Variants in CIMAP1D observed in about 807,000 individuals in gnomAD.
CIMAP1D encodes protein CIMAP1D.
the CIMAP1D span, among the ~76,000 whole-genome samples, chr19:468,899 A>G: frequency 1.5e-5 from 2 of 130,324 alleles, no homozygotes; most frequent in Middle Eastern, 7.8e-3. Context: ...TCCCCTGAGG[A>G]GTCCGTGGCA....
the CIMAP1D span, among the ~76,000 whole-genome samples, chr19:479,423 G>GGGGGGGGT: frequency 7.8e-6 from 1 of 127,624 alleles, no homozygotes; most frequent in Non-Finnish European, 1.7e-5. Context: ...GGGGGGGGGG[G>GGGGGGGGT]GATGGAGTTT....
At chr19:478,830 T>C in the CIMAP1D span, among the ~76,000 whole-genome samples, 1 of 152,342 alleles carries the variant, frequency 6.6e-6, no homozygotes, top group South Asian at 2.1e-4. Context: ...GGTGACTCCG[T>C]TGGTGCTCCC....
At chr19:465,081 GGATGGATA>G in the CIMAP1D span, among the ~76,000 whole-genome samples, 1 of 145,534 alleles carries the variant, frequency 6.9e-6, no homozygotes, top group African/African-American at 2.5e-5. Flanking sequence ...GTGGGTGGAA[GGATGGATA>G]GGTGGATGGG....
chr19:483,802 G>A, the CIMAP1D span, among the ~76,000 whole-genome samples: 3 of 152,196 alleles, frequency 2.0e-5, no homozygotes, highest in African/African-American at 7.2e-5. Flanking sequence ...TCAACACTGT[G>A]TCCCCAGCTC....
chr19:477,026 G>A, the CIMAP1D span, among the ~76,000 whole-genome samples: 8 of 152,270 alleles, frequency 5.3e-5, no homozygotes, highest in African/African-American at 1.7e-4. Context: ...AGGCAACATG[G>A]TGAAACCCCA....
At chr19:472,256 G>A in the CIMAP1D span, 2 of 443,678 alleles carry the variant, frequency 4.5e-6, no homozygotes, top group Non-Finnish European at 4.0e-6. Context: ...GGTGGAGCAG[G>A]TTGTACAGCC....
the CIMAP1D span, chr19:489,729 T>C: frequency 2.6e-5 from 8 of 303,734 alleles, no homozygotes; most frequent in African/African-American, 1.5e-4. Context: ...GGGGGCGGGA[T>C]TGCGGCCGGG....
chr19:490,031 T>C, the CIMAP1D span: 1 of 398,318 alleles, frequency 2.5e-6, no homozygotes, highest in East Asian at 3.6e-5. Context: ...AGAAAAGAAA[T>C]GGGTGGTAGT....
the CIMAP1D span, among the ~76,000 whole-genome samples, chr19:468,758 T>C: frequency 0.71 from 104,542 of 146,784 alleles, 38,225 homozygotes; most frequent in East Asian, 0.86. Context: ...ATGCTGTACA[T>C]GTGGCAGTGA....
At chr19:479,509 ATCCTCCT>A in the CIMAP1D span, among the ~76,000 whole-genome samples, 2 of 148,302 alleles carry the variant, frequency 1.3e-5, no homozygotes, top group East Asian at 4.0e-4. Context: ...GGTTCAAGTG[ATCCTCCT>A]GCCTCAGCCT....
At chr19:472,806 C>T in the CIMAP1D span, among the ~76,000 whole-genome samples, 1 of 150,792 alleles carries the variant, frequency 6.6e-6, no homozygotes, top group Admixed American at 6.6e-5. Context: ...GAGGCCTGAG[C>T]CTCCCAGAGA....
At chr19:467,706 G>T in the CIMAP1D span, 15 of 1,611,934 alleles carry the variant, frequency 9.3e-6, no homozygotes, top group African/African-American at 2.7e-5. Context: ...CGGCCAAAGC[G>T]TGTGACTTTG....
the CIMAP1D span, among the ~76,000 whole-genome samples, chr19:474,252 C>T: frequency 1.3e-5 from 2 of 152,204 alleles, no homozygotes; most frequent in African/African-American, 2.4e-5. Context: ...CGCCTCCGCA[C>T]ACGCGCCCCT....
the CIMAP1D span, among the ~76,000 whole-genome samples, chr19:476,543 T>C: frequency 3.3e-5 from 5 of 152,196 alleles, no homozygotes; most frequent in African/African-American, 1.2e-4. Flanking sequence ...CATACAATTA[T>C]ACATTTCACC....
At chr19:470,703 C>T in the CIMAP1D span, among the ~76,000 whole-genome samples, 9 of 152,208 alleles carry the variant, frequency 5.9e-5, no homozygotes, top group East Asian at 1.7e-3. Flanking sequence ...CAAATCCCCA[C>T]ACAAGACCCT....
chr19:472,821 C>T, the CIMAP1D span, among the ~76,000 whole-genome samples: 6,617 of 144,312 alleles, frequency 0.046, 295 homozygotes, highest in African/African-American at 0.16. Flanking sequence ...CAGAGATACA[C>T]GGTCACAGAT....
chr19:490,187 C>T, the CIMAP1D span: 1 of 339,584 alleles, frequency 2.9e-6, no homozygotes, highest in Non-Finnish European at 5.3e-6. Context: ...AAAACCTCGT[C>T]TCTACTAAAA....
chr19:486,819 C>T, the CIMAP1D span, among the ~76,000 whole-genome samples: 10 of 152,036 alleles, frequency 6.6e-5, no homozygotes, highest in South Asian at 4.2e-4. Flanking sequence ...GAGGCTGAGG[C>T]AGAAGAATGA....
chr19:463,809 AG>A, the CIMAP1D span: 2 of 1,473,774 alleles, frequency 1.4e-6, no homozygotes, highest in Non-Finnish European at 8.9e-7. Flanking sequence ...GAGGCCCGCC[AG>A]CCCCCCGTTC....
Sources: gnomAD v4.1 joint callset for allele counts (sites outside exome capture counted in the v4.1 genomes callset) on GRCh38, gnomAD v4.1.1 for gene constraint, MANE v1.5 for transcripts, NCBI Gene and HGNC (gene_info 2026-07-23, HGNC 2026-07-21) for gene names.